Variants in POLR2F observed in about 807,000 individuals in gnomAD.
POLR2F encodes the protein DNA-directed RNA polymerases I, II, and III subunit RPABC2.
POLR2F carries 12 observed loss-of-function variants against 22.7 expected under a neutral mutation model. That is an observed-to-expected ratio of 0.53 (90% CI 0.34 to 0.86). The LOEUF (loss-of-function observed/expected upper bound fraction) is 0.86, where lower values mean the gene tolerates loss of function less well. Ranked by LOEUF, POLR2F falls within the 40% of genes least tolerant of loss-of-function variation. The pLI is 0.02. For synonymous variants in POLR2F, 57 were observed against 66.0 expected (o/e 0.86, Z 0.66); for missense variants, 126 against 171.5 (o/e 0.73, Z 1.48).
downstream of POLR2F, among the ~76,000 whole-genome samples, chr22:38,031,683 G>A (rs563960404): frequency 2.6e-5 from 4 of 152,240 alleles, no homozygotes; most frequent in East Asian, 7.7e-4. The surrounding 1 kb of genome is among the most constrained non-coding windows in gnomAD (Gnocchi z 4.1). Context: ...TGACCCTGGT[G>A]ACCTCCGAAG....
At chr22:38,028,713 A>G (rs1254044109), downstream of POLR2F, among the ~76,000 whole-genome samples, 3 of 152,014 alleles carry the variant, frequency 2.0e-5, no homozygotes, top group Non-Finnish European at 2.9e-5. Flanking sequence ...GATGGGGAGG[A>G]AGGGGCAGCA....
chr22:37,999,074 G>A (rs781224520), intron 1 of POLR2F, among the ~76,000 whole-genome samples: 1 of 152,026 alleles, frequency 6.6e-6, no homozygotes, highest in Non-Finnish European at 1.5e-5. Context: ...ATTCCCAGAC[G>A]GCCGTACCCT....
intron 1 of POLR2F, among the ~76,000 whole-genome samples, chr22:38,018,245 G>T (rs1488157981): frequency 6.6e-6 from 1 of 152,240 alleles, no homozygotes; most frequent in Non-Finnish European, 1.5e-5. Context: ...CTTGAGCCAG[G>T]TTAAGGGTTC....
intron 3 of POLR2F, among the ~76,000 whole-genome samples, chr22:37,960,552 C>T (rs557017565): frequency 2.0e-5 from 3 of 151,604 alleles, no homozygotes; most frequent in Admixed American, 6.6e-5. Context: ...CGCCCGCCAC[C>T]GTGCCCAGCT....
At chr22:37,966,608 A>G (rs1046769888) in intron 3 of POLR2F, among the ~76,000 whole-genome samples, 3 of 152,082 alleles carry the variant, frequency 2.0e-5, no homozygotes, top group Non-Finnish European at 4.4e-5. Context: ...TGTTAATTTC[A>G]CCCATCTATA....
At chr22:37,985,389 G>T (rs1030640991), upstream of POLR2F, among the ~76,000 whole-genome samples, 1 of 151,848 alleles carries the variant, frequency 6.6e-6, no homozygotes, top group Non-Finnish European at 1.5e-5. Context: ...CCCAACAAGG[G>T]GTGGGGACTT....
chr22:37,977,768 C>T (rs1932266012), intron 4 of POLR2F: 8 of 1,332,040 alleles, frequency 6.0e-6, no homozygotes, highest in East Asian at 4.6e-5. Flanking sequence ...CACAGCCTGG[C>T]ACGCTCTCCC....
downstream of POLR2F, chr22:37,972,106 GAA>G (rs1932074323): frequency 3.1e-6 from 1 of 326,722 alleles, no homozygotes; most frequent in South Asian, 2.2e-5. Flanking sequence ...GAGAGAGAGA[GAA>G]AGAGAGGAGA....
intron 1 of POLR2F, among the ~76,000 whole-genome samples, chr22:38,014,804 G>GTTTTTTTT (rs1569180964): frequency 5.5e-5 from 6 of 108,528 alleles, no homozygotes; most frequent in Non-Finnish European, 9.3e-5. Flanking sequence ...TTGTATTTTT[G>GTTTTTTTT]TATTTTTTTT....
rs1932589447 is a variant in POLR2F at position 37,986,640 on chromosome 22, C to G, written c.120+328C>G. On this transcript the variant is annotated intron_variant, in intron 1 of 2. Transcript: ENST00000333418. This position sits in a 1 kb window ranked among gnomAD's most constrained non-coding sequence, Gnocchi z 4.7. The stretch of plus-strand genomic sequence containing the variant: ...TCCCTTGTCCCCGCACAGACACTGC[C>G]TTCCTCTCAGGGCTGTGCTGGGCTT... 3 of 632,808 alleles carry G rather than the reference C, an allele frequency of 4.7e-6. No homozygotes were observed. The East Asian group carries it at 1.0e-4, about 21-fold the overall frequency. 39.2% of individuals were successfully genotyped at this position (632,808 alleles called of 1,614,324 possible). A position where few individuals can be genotyped will look rare whatever the true frequency, so the allele number is the denominator to read the frequency against.
intron 1 of POLR2F, chr22:37,987,322 A>G (rs1282294780): frequency 2.2e-6 from 1 of 456,380 alleles, no homozygotes; most frequent in South Asian, 1.5e-5. Context: ...TGGGCCCCAG[A>G]GAGGAGGAGA....
chr22:38,007,285 A>C (rs1186736941), intron 1 of POLR2F, among the ~76,000 whole-genome samples: 1 of 152,156 alleles, frequency 6.6e-6, no homozygotes, highest in Non-Finnish European at 1.5e-5. Context: ...GGTGGTGGGA[A>C]CCTTTCAAGA....
chr22:37,978,707 T>A lies in POLR2F; in HGVS notation c.293+11537T>A, dbSNP rs1932301257. On this transcript the variant is annotated intron_variant, in intron 4 of 4. Coordinates refer to the POLR2F transcript ENST00000405557. This position sits in a 1 kb window ranked among gnomAD's most constrained non-coding sequence, Gnocchi z 5.0. ...TTGGGTGTGGGATTGGCCAGAATAA[T>A]GGATGTGAGATGCCTTGCACCAGGG... 6.6e-6 allele frequency among the ~76,000 whole-genome samples: 1 copy of A among 152,134 alleles called. No homozygotes were observed. The highest frequency in any genetic ancestry group is 2.4e-5 in the African/African-American group (1 of 41,424).
intron 1 of POLR2F, among the ~76,000 whole-genome samples, chr22:37,955,578 A>C (rs1931361045): frequency 6.6e-6 from 1 of 151,070 alleles, no homozygotes; most frequent in South Asian, 2.1e-4. Context: ...TCCAGTAGAG[A>C]GGGAAACAGT....
chr22:37,995,202 T>C (rs2084702046), intron 1 of POLR2F, among the ~76,000 whole-genome samples: 1 of 152,198 alleles, frequency 6.6e-6, no homozygotes, highest in African/African-American at 2.4e-5. Flanking sequence ...GCTTTAGGGC[T>C]CTACTGAGAC....
At chr22:38,027,092 G>A (rs184682828), downstream of POLR2F, among the ~76,000 whole-genome samples, 1 of 152,234 alleles carries the variant, frequency 6.6e-6, no homozygotes, top group Non-Finnish European at 1.5e-5. Context: ...GGACTGTGCA[G>A]TGTGTCGTGG....
rs369942996 is a variant in POLR2F, at chr22:38,025,620, A to G, written c.121-249A>G. 40 of 1,558,106 alleles carry G rather than the reference A, an allele frequency of 2.6e-5. No individual in the cohort carries two copies. In the African/African-American group the frequency reaches 5.1e-4, roughly 20 times the overall value. On this transcript the variant is annotated intron_variant, in intron 1 of 2. Transcript: ENST00000333418. ...GAATACACAGTGCTGAGACCCTCCT[A>G]CGCACTGGCCCACAGCCTAGGCTCT...
chr22:38,023,496 T>C (rs768424682), intron 1 of POLR2F, among the ~76,000 whole-genome samples: 1 of 152,048 alleles, frequency 6.6e-6, no homozygotes, highest in Non-Finnish European at 1.5e-5. Flanking sequence ...CCATATTAAC[T>C]ATATTATTGA....
chr22:37,986,170 G>C, upstream of POLR2F: 1 of 1,540,564 alleles, frequency 6.5e-7, no homozygotes, highest in Non-Finnish European at 8.7e-7. This position sits in a 1 kb window ranked among gnomAD's most constrained non-coding sequence, Gnocchi z 4.7. Context: ...CTCGGCCTCA[G>C]AACCGCCCGG....
Sources: allele counts gnomAD v4.1 joint callset (sites outside exome capture counted in the v4.1 genomes callset), GRCh38; gene constraint gnomAD v4.1.1; non-coding constraint Gnocchi (gnomAD v3.1); transcripts MANE v1.5; gene names NCBI Gene and HGNC (gene_info 2026-07-23, HGNC 2026-07-21).